Variants in LYN observed in about 807,000 individuals in gnomAD.
LYN encodes LYN proto-oncogene, Src family tyrosine kinase, also known as tyrosine-protein kinase Lyn.
A neutral mutation model predicts 65.0 loss-of-function variants in LYN; 12 were observed. That is an observed-to-expected ratio of 0.18 (90% CI 0.12 to 0.30). The LOEUF (loss-of-function observed/expected upper bound fraction) is 0.30, where lower values mean the gene tolerates loss of function less well. Ranked by LOEUF, LYN falls within the 10% of genes least tolerant of loss-of-function variation. LYN has a pLI of 1.00. For missense variants in LYN, 380 were observed against 623.2 expected (o/e 0.61, Z 4.16); for synonymous variants, 222 against 221.2 (o/e 1.00, Z -0.03).
At chr8:55,950,656 A>G (rs1301919553) in intron 5 of LYN, 25 bp from the exon 6 acceptor site, 1 of 1,590,828 alleles carries the variant, frequency 6.3e-7, no homozygotes, top group Non-Finnish European at 8.6e-7. Context: ...CATAATATGC[A>G]GGAAATGTTG....
At chr8:55,998,006 C>T (rs547298177) in intron 10 of LYN, among the ~76,000 whole-genome samples, 40 of 152,120 alleles carry the variant, frequency 2.6e-4, no homozygotes, top group Non-Finnish European at 5.9e-4. Flanking sequence ...ATGGTGTGAA[C>T]CCAGGAGGTG....
intron 7 of LYN, among the ~76,000 whole-genome samples, chr8:55,953,318 A>T (rs16922472): frequency 0.11 from 16,754 of 152,228 alleles, 2,168 homozygotes; most frequent in African/African-American, 0.32. Context: ...GCAGTGCTGA[A>T]GAATACAATC....
chr8:55,944,813 T>C lies in LYN; in HGVS notation c.133-1635T>C, dbSNP rs377655428. Among the ~76,000 whole-genome samples, 221 of 152,324 alleles carry C rather than the reference T, an allele frequency of 1.5e-3. 1 individual carries two copies. Among genetic ancestry groups the C allele is most frequent in the African/African-American group, 5.0e-3 (209 of 41,582 alleles). On this transcript the variant is annotated intron_variant, in intron 2 of 12. Transcript: ENST00000519728. The stretch of plus-strand genomic sequence containing the variant: ...TGTTTTTAAATGATGAATAAAGATG[T>C]CCTTTATTCAGAAAAGTCAAGGAGA...
Position 56,010,801 on chromosome 8 carries a change from T to C in LYN, c.*691T>C, listed in dbSNP as rs1001373031. 1.3e-5 allele frequency: 3 copies of C among 230,808 alleles called. No individual in the cohort carries two copies. The South Asian group carries it at 5.5e-4, about 42-fold the overall frequency. The allele number at this position is 230,808 out of a possible 1,614,324, so 14.3% of individuals were successfully genotyped here. ...GGAGGAGCCCGTGAGCACGCACAGC[T>C]GCCCTGTCTGCTCACCCGAAGGCAC... On this transcript the variant is annotated 3_prime_UTR_variant, in exon 13 of 13. Transcript: ENST00000519728.
chr8:55,928,858 T>A (rs1005158013), intron 1 of LYN, among the ~76,000 whole-genome samples: 7 of 152,146 alleles, frequency 4.6e-5, no homozygotes, highest in Admixed American at 3.3e-4. Flanking sequence ...AAACCCAAGG[T>A]CATCTAGCTT....
intron 2 of LYN, among the ~76,000 whole-genome samples, chr8:55,944,288 A>G (rs865793212): frequency 4.6e-5 from 7 of 152,288 alleles, no homozygotes; most frequent in Non-Finnish European, 8.8e-5. Flanking sequence ...GAAACATTAC[A>G]TAAGTATGTA....
chr8:56,007,829 C>G (rs1016170979), intron 12 of LYN, among the ~76,000 whole-genome samples: 1 of 152,034 alleles, frequency 6.6e-6, no homozygotes, highest in Non-Finnish European at 1.5e-5. Context: ...TTAAAAAATA[C>G]TGGTAATTGG....
chr8:55,987,094 A>G (rs1330951779), intron 10 of LYN, among the ~76,000 whole-genome samples: 2 of 151,978 alleles, frequency 1.3e-5, no homozygotes, highest in East Asian at 1.9e-4. Context: ...CTTGGTGAGC[A>G]TTGTATTTTT....
At chr8:55,928,045 A>G (rs1806158971) in intron 1 of LYN, among the ~76,000 whole-genome samples, 1 of 152,178 alleles carries the variant, frequency 6.6e-6, no homozygotes, top group Non-Finnish European at 1.5e-5. Context: ...GAATTGGAGT[A>G]TCTGTTGCTC....
At chr8:55,998,224 G>A (rs1808430684) in intron 10 of LYN, 122 bp from the exon 11 acceptor site, 5 of 670,820 alleles carry the variant, frequency 7.5e-6, no homozygotes, top group South Asian at 2.4e-5. Flanking sequence ...TTTAAAAGCT[G>A]AATGATCAAA....
At chr8:55,902,795 C>G in intron 1 of LYN, 2 of 512,586 alleles carry the variant, frequency 3.9e-6, no homozygotes, top group Non-Finnish European at 3.9e-6. Context: ...CTCAATTTAG[C>G]CACATTAACT....
In LYN at chr8:55,998,433, A is replaced by G; in HGVS notation, c.1138A>G (p.Met380Val). ...TAATGTTCTGGTCTCCGAGTCACTC[A>G]TGTGCAAAATTGCAGATTTTGGCCT... ...AANVLVSESL[M>V]CKIADFGLAR... Residue 380 changes from methionine to valine, a missense_variant, in exon 11 of 13, where the codon ATG becomes GTG. Met to Val is a conservative substitution (Grantham distance 21, BLOSUM62 1). This residue lies in a region of LYN where 223 missense variants were observed against 430.0 expected (regional missense o/e 0.52). Coordinates refer to ENST00000519728, the MANE Select transcript of LYN (RefSeq NM_002350.4). 5 of 1,614,092 alleles carry G rather than the reference A, an allele frequency of 3.1e-6. No individual in the cohort carries two copies. The highest frequency in any genetic ancestry group is 4.2e-6 in the Non-Finnish European group (5 of 1,179,928).
intron 1 of LYN, among the ~76,000 whole-genome samples, chr8:55,903,611 T>C (rs1185456714): frequency 6.6e-6 from 1 of 152,282 alleles, no homozygotes; most frequent in Non-Finnish European, 1.5e-5. Flanking sequence ...AAGCTCTTTC[T>C]GTTTCTATGT....
chr8:55,963,062 C>G (rs955733859), intron 8 of LYN, among the ~76,000 whole-genome samples: 36 of 152,324 alleles, frequency 2.4e-4, no homozygotes, highest in African/African-American at 8.7e-4. Context: ...CCCTCTAGTC[C>G]CCACCTCCAA....
At chr8:55,987,924 T>G (rs950258281) in intron 10 of LYN, among the ~76,000 whole-genome samples, 6 of 152,236 alleles carry the variant, frequency 3.9e-5, no homozygotes, top group African/African-American at 1.4e-4. Flanking sequence ...GCACAGTGCC[T>G]GGGCAAGTAG....
chr8:55,917,196 G>A (rs1407128459), intron 1 of LYN, among the ~76,000 whole-genome samples: 1 of 151,472 alleles, frequency 6.6e-6, no homozygotes, highest in Non-Finnish European at 1.5e-5. Flanking sequence ...AAAAGAGAGA[G>A]AGAGAGAAAG....
chr8:55,977,991 T>C (rs769734882), intron 10 of LYN, among the ~76,000 whole-genome samples: 1 of 152,158 alleles, frequency 6.6e-6, no homozygotes, highest in Non-Finnish European at 1.5e-5. Flanking sequence ...GGACTTCTTC[T>C]GAGCTTTTTC....
intron 1 of LYN, among the ~76,000 whole-genome samples, chr8:55,893,095 G>A (rs886550463): frequency 2.6e-5 from 4 of 152,144 alleles, no homozygotes; most frequent in Admixed American, 6.6e-5. Flanking sequence ...GGCTACCACC[G>A]GCATCTCTCT....
At chr8:55,894,376 T>G (rs1330485542) in intron 1 of LYN, among the ~76,000 whole-genome samples, 7 of 10,552 alleles carry the variant, frequency 6.6e-4, no homozygotes, top group African/African-American at 9.2e-4. Flanking sequence ...ACTTTCTTAA[T>G]TTTTTTTTTT....
Sources: allele counts gnomAD v4.1 joint callset (sites outside exome capture counted in the v4.1 genomes callset), GRCh38; gene constraint gnomAD v4.1.1; regional missense constraint gnomAD v4.1.1; transcripts MANE v1.5; gene names NCBI Gene and HGNC (gene_info 2026-07-23, HGNC 2026-07-21).